Variants in ANLN observed in about 807,000 individuals in gnomAD.
ANLN encodes anillin, actin binding protein.
ANLN carries 59 observed loss-of-function variants against 135.1 expected under a neutral mutation model. That is an observed-to-expected ratio of 0.44 (90% CI 0.35 to 0.54). The LOEUF is 0.54. ANLN is among the 20% of genes least tolerant of loss of function. ANLN has a pLI of 0.00. For synonymous variants in ANLN, 406 were observed against 456.4 expected (o/e 0.89, Z 1.41); for missense variants, 1,182 against 1,340.0 (o/e 0.88, Z 1.84).
intron 19 of ANLN, among the ~76,000 whole-genome samples, chr7:36,426,497 G>A (rs1018559097): frequency 6.6e-6 from 1 of 152,032 alleles, no homozygotes; most frequent in Non-Finnish European, 1.5e-5. Flanking sequence ...AAAGGAATTA[G>A]GATGGAGCTG....
intron 7 of ANLN, among the ~76,000 whole-genome samples, chr7:36,414,441 A>G (rs1035941928): frequency 3.9e-5 from 6 of 152,196 alleles, no homozygotes; most frequent in Admixed American, 3.9e-4. Flanking sequence ...TGTGACGAAA[A>G]GGAAGGAGGA....
intron 3 of ANLN, among the ~76,000 whole-genome samples, chr7:36,403,143 A>G (rs1180742057): frequency 2.6e-5 from 4 of 152,084 alleles, no homozygotes; most frequent in Non-Finnish European, 4.4e-5. Context: ...ATATAATATA[A>G]TCTAGGTGCA....
intron 18 of ANLN, 29 bp from the exon 19 acceptor site, chr7:36,425,982 GTTTC>G: frequency 6.9e-7 from 1 of 1,445,718 alleles, no homozygotes. Context: ...AATAACTTAT[GTTTC>G]TTCTTCACAC....
At chr7:36,407,983 A>AT (rs762642628) in intron 5 of ANLN, 27 bp downstream of exon 5, 9 of 1,519,548 alleles carry the variant, frequency 5.9e-6, no homozygotes, top group Non-Finnish European at 6.4e-6. Flanking sequence ...AAATTTAGTT[A>AT]TTGCTGATTA....
chr7:36,434,931 A>T (rs1343376684), intron 20 of ANLN, among the ~76,000 whole-genome samples: 5 of 152,142 alleles, frequency 3.3e-5, no homozygotes, highest in Non-Finnish European at 7.3e-5. Flanking sequence ...ACCTATAGCA[A>T]CAGAAAGCGT....
At chr7:36,419,157 A>G in intron 9 of ANLN, 87 bp from the exon 10 acceptor site, 1 of 897,494 alleles carries the variant, frequency 1.1e-6, no homozygotes, top group Non-Finnish European at 1.6e-6. Context: ...CCTATTTAGT[A>G]AGAATATGAA....
chr7:36,403,982 T>C (rs1787081259), intron 3 of ANLN, among the ~76,000 whole-genome samples: 1 of 150,752 alleles, frequency 6.6e-6, no homozygotes. Context: ...TTTGTTTGTT[T>C]GTTTATGAGA....
At chr7:36,449,552 CT>C in intron 22 of ANLN, 112 bp from the exon 23 acceptor site, 2 of 806,990 alleles carry the variant, frequency 2.5e-6, no homozygotes, top group Non-Finnish European at 1.8e-6. Context: ...TAAATTTTAA[CT>C]TTTAAATAAT....
At chr7:36,408,815 G>A (rs975493872) in intron 5 of ANLN, among the ~76,000 whole-genome samples, 1 of 152,078 alleles carries the variant, frequency 6.6e-6, no homozygotes, top group African/African-American at 2.4e-5. Flanking sequence ...TCCAGGAAAT[G>A]CCATATTTAT....
intron 7 of ANLN, among the ~76,000 whole-genome samples, chr7:36,412,715 G>A (rs578209585): frequency 1.3e-5 from 2 of 152,180 alleles, no homozygotes; most frequent in South Asian, 2.1e-4. Context: ...GAAAAAATGC[G>A]TAAACTGCTT....
Position 36,406,456 on chromosome 7 carries a change from C to T in ANLN, c.763C>T (p.Gln255Ter), listed in dbSNP as rs1278886283. 6.2e-7 allele frequency: 1 copy of T among 1,611,646 alleles called. No homozygotes were observed. The highest frequency in any genetic ancestry group is 8.5e-7 in the Non-Finnish European group (1 of 1,178,218). Residue 255 changes from glutamine to a stop codon, truncating the protein, a stop_gained, in exon 4 of 24, where the codon CAG (glutamine) becomes TAG (stop). Transcript: ENST00000265748. LOFTEE classifies it high-confidence loss of function. ...SARINSSSVK[Q>*]EATFCSQRDG... ...TAGGATCAATAGCAGCAGTGTTAAG[C>T]AGGAAGCTACATTCTGTTCCCAAAG...
At chr7:36,398,645 G>T (rs953842431) in intron 2 of ANLN, among the ~76,000 whole-genome samples, 5 of 152,104 alleles carry the variant, frequency 3.3e-5, no homozygotes, top group African/African-American at 1.2e-4. Flanking sequence ...AGTTATTGGG[G>T]TAGAGGTGGT....
intron 20 of ANLN, among the ~76,000 whole-genome samples, chr7:36,436,391 G>A (rs563272281): frequency 3.9e-5 from 6 of 152,170 alleles, no homozygotes; most frequent in East Asian, 3.9e-4. Context: ...GGCTGTTTCC[G>A]CATTTTGCCT....
At chr7:36,418,403 G>A (rs1485389408) in intron 9 of ANLN, among the ~76,000 whole-genome samples, 1 of 152,184 alleles carries the variant, frequency 6.6e-6, no homozygotes, top group African/African-American at 2.4e-5. Context: ...TTCCTGTGAG[G>A]CCTAATGCAC....
Position 36,399,255 on chromosome 7 carries a change from G to A in ANLN, c.349G>A (p.Val117Ile), listed in dbSNP as rs1380897094. The A allele has an allele frequency of 2.5e-6, 4 of 1,614,192 alleles. No homozygotes were observed. The highest frequency in any genetic ancestry group is 3.4e-6 in the Non-Finnish European group (4 of 1,180,028). Reference protein sequence around the residue: ...PQAADTISDSVAVPASLLGMR... With the variant: ...PQAADTISDSIAVPASLLGMR... ...AGCAGCAGATACCATCAGTGATTCT[G>A]TTGCTGTCCCGGCATCACTGCTGGG... The change falls in exon 3 of 24, where the codon GTT (valine) becomes ATT (isoleucine). Residue 117 changes from valine to isoleucine, a missense_variant. Physicochemically the swap from Val to Ile is conservative, Grantham distance 29. Coordinates refer to ENST00000265748, the MANE Select transcript of ANLN (RefSeq NM_018685.5).
intron 22 of ANLN, among the ~76,000 whole-genome samples, chr7:36,448,430 C>T (rs533347562): frequency 6.6e-6 from 1 of 152,186 alleles, no homozygotes; most frequent in Non-Finnish European, 1.5e-5. Context: ...CCCCACAACA[C>T]ACATGCATTT....
In ANLN at chr7:36,411,150, A is replaced by T; in HGVS notation, c.1379A>T (p.Gln460Leu). 6.2e-7 allele frequency: 1 copy of T among 1,606,066 alleles called. No homozygotes were observed. Among genetic ancestry groups the T allele is most frequent in the Admixed American group, 1.7e-5 (1 of 57,268 alleles). Residue 460 changes from glutamine (Q) to leucine (L), a missense_variant, in exon 7 of 24, where the codon CAA becomes CTA. Gln to Leu is a moderately radical substitution (Grantham distance 113). Around this residue, in one of 3 missense-constraint regions of ANLN, gnomAD observed 1,022 missense variants for 1,134.0 expected, o/e 0.90. Transcript: ENST00000265748. ...AEKGGNSKSK[Q>L]LETKQETHCQ... ...AAAGGCGGAAACTCAAAAAGCAAAC[A>T]ACTAGAAACCAAACAGGTAATGTAA... is the stretch of plus-strand genomic sequence containing the variant.
At chr7:36,440,106 T>C (rs1270066562) in intron 21 of ANLN, among the ~76,000 whole-genome samples, 2 of 151,400 alleles carry the variant, frequency 1.3e-5, no homozygotes, top group Admixed American at 6.6e-5. Flanking sequence ...CCTGGAAACA[T>C]GTGTGAAAGT....
Position 36,393,927 on chromosome 7 carries a change from G to T in ANLN, c.19-2339G>T, listed in dbSNP as rs186251198. ...TTTATTTTTTAAGTGTAGGGAGTTTGTGACTTAACCCTTGCCTGGCATGGC... is the reference window on the plus strand; with the variant it reads ...TTTATTTTTTAAGTGTAGGGAGTTTTTGACTTAACCCTTGCCTGGCATGGC... On this transcript the variant is annotated intron_variant, in intron 1 of 23. Coordinates refer to ENST00000265748, the MANE Select transcript of ANLN (RefSeq NM_018685.5). 4.2e-3 allele frequency among the ~76,000 whole-genome samples: 641 copies of T among 152,304 alleles called. 4 individuals carry two copies. Among genetic ancestry groups the T allele is most frequent in the African/African-American group, 0.011 (454 of 41,552 alleles).
Sources: allele counts gnomAD v4.1 joint callset (sites outside exome capture counted in the v4.1 genomes callset), GRCh38; gene constraint gnomAD v4.1.1; regional missense constraint gnomAD v4.1.1; transcripts MANE v1.5; gene names NCBI Gene and HGNC (gene_info 2026-07-23, HGNC 2026-07-21).